RSF1: variants seen among roughly 807,000 people sequenced by gnomAD.
The protein encoded by RSF1 is remodeling and spacing factor 1, also known as HBV pX-associated protein 8.
RSF1 carries 13 observed loss-of-function variants against 145.2 expected under a neutral mutation model. The ratio of observed to expected loss-of-function variants is 0.09; its 90% CI spans 0.06 to 0.14. The LOEUF (loss-of-function observed/expected upper bound fraction) is 0.14, where lower values mean the gene tolerates loss of function less well. Among genes scored for constraint, RSF1 ranks in the 10% least tolerant of loss-of-function variants. The pLI, the probability that RSF1 is intolerant of heterozygous loss-of-function variation, is 1.00. For synonymous variants in RSF1, 577 were observed against 592.6 expected, an observed-to-expected ratio of 0.97 and a Z score of 0.38; for missense variants, 1,517 against 1,718.2, an observed-to-expected ratio of 0.88 and a Z score of 2.07.
At chr11:77,864,425 G>A in the RSF1 span, among the ~76,000 whole-genome samples, 1 of 151,938 alleles carries the variant, frequency 6.6e-6, no homozygotes, top group Non-Finnish European at 1.5e-5. Flanking sequence ...GGGCAACAGA[G>A]TGAGATGCCA....
At chr11:77,711,183 T>C (rs1002666213) in intron 5 of RSF1, among the ~76,000 whole-genome samples, 3 of 151,750 alleles carry the variant, frequency 2.0e-5, no homozygotes, top group African/African-American at 7.3e-5. Context: ...GAGTTCATTC[T>C]GATAGTTCAT....
intron 15 of RSF1, among the ~76,000 whole-genome samples, chr11:77,670,977 CAT>C (rs1959508075): frequency 6.7e-6 from 1 of 149,742 alleles, no homozygotes; most frequent in African/African-American, 2.5e-5. Context: ...CTTGGTGGCA[CAT>C]GCCTAAAATC....
At chr11:77,707,190 A>AATC (rs370385999) in intron 5 of RSF1, among the ~76,000 whole-genome samples, 6 of 152,202 alleles carry the variant, frequency 3.9e-5, no homozygotes, top group African/African-American at 1.4e-4. Context: ...CTGGGGCAGA[A>AATC]ATCATGGATT....
At chr11:77,690,960 C>T in intron 9 of RSF1, 199 bp downstream of exon 9, 1 of 533,536 alleles carries the variant, frequency 1.9e-6, no homozygotes, top group Non-Finnish European at 3.3e-6. Context: ...AAATATGATT[C>T]TAGTTTTTCC....
At chr11:77,777,448 C>T (rs561391235) in intron 1 of RSF1, among the ~76,000 whole-genome samples, 1 of 152,054 alleles carries the variant, frequency 6.6e-6, no homozygotes, top group East Asian at 1.9e-4. Context: ...AAGAAATTAG[C>T]CAGGCGTGGT....
At chr11:77,851,736 G>A in the RSF1 span, among the ~76,000 whole-genome samples, 4 of 152,134 alleles carry the variant, frequency 2.6e-5, no homozygotes, top group South Asian at 8.3e-4. Context: ...TTCACGTTCT[G>A]CCATGGGTAA....
In RSF1 at chr11:77,701,445, A is replaced by G; in HGVS notation, c.1784T>C (p.Phe595Ser). ...LEKLEKSKKT[F>S]LDKDAQRLSP... ...CAATCTTTGTGCGTCCTTATCAAGA[A>G]AAGTCTTTTTGGACTTCTCTAACTT... Residue 595 changes from phenylalanine (F) to serine (S), a missense_variant, in exon 6 of 16, where the codon TTT (phenylalanine) becomes TCT (serine). Phe to Ser is a radical substitution (Grantham distance 155). Transcript: ENST00000308488. 7 of 1,614,156 alleles carry G rather than the reference A, an allele frequency of 4.3e-6. No individual in the cohort carries two copies. The highest frequency in any genetic ancestry group is 1.1e-5 in the South Asian group (1 of 91,076).
chr11:77,708,386 C>T (rs1318520304), intron 5 of RSF1, among the ~76,000 whole-genome samples: 4 of 152,128 alleles, frequency 2.6e-5, no homozygotes, highest in East Asian at 1.9e-4. Flanking sequence ...GCCATGACCA[C>T]GCCAGTGCAC....
At chr11:77,771,077 T>C (rs1236407364) in intron 1 of RSF1, among the ~76,000 whole-genome samples, 2 of 151,934 alleles carry the variant, frequency 1.3e-5, no homozygotes, top group East Asian at 1.9e-4. Context: ...TTAACGATCA[T>C]AGAGAGGAAT....
At position 77,693,525 on chromosome 11, in the gene RSF1, G is replaced by A; in HGVS notation, c.2802C>T (p.Phe934=). 1 of 1,613,420 alleles carries A rather than the reference G, an allele frequency of 6.2e-7. No individual in the cohort carries two copies. The highest frequency in any genetic ancestry group is 8.5e-7 in the Non-Finnish European group (1 of 1,179,440). Reference sequence around the variant, plus strand: ...GTCTTACATGTTGGCAAGGTGGGCAGAACCATTCTCCATCTGGGATGATCA... The same window carrying A: ...GTCTTACATGTTGGCAAGGTGGGCAAAACCATTCTCCATCTGGGATGATCA... ...PLMIIPDGEW[F]CPPCQHKLLC... is the part of the protein sequence containing the mutation. The change falls in exon 8 of 16, where the codon TTC becomes TTT. Residue 934 remains phenylalanine (F), a synonymous_variant. Coordinates refer to ENST00000308488, the MANE Select transcript of RSF1 (RefSeq NM_016578.4).
At chr11:77,712,398 T>C (rs1478836783) in intron 5 of RSF1, among the ~76,000 whole-genome samples, 1 of 152,186 alleles carries the variant, frequency 6.6e-6, no homozygotes. Context: ...CCTTTATAAA[T>C]TACCCAGTCT....
chr11:77,853,435 A>G, the RSF1 span, among the ~76,000 whole-genome samples: 8 of 152,054 alleles, frequency 5.3e-5, no homozygotes, highest in Non-Finnish European at 1.0e-4. Flanking sequence ...GGGAGGTGCT[A>G]TATACTTTTA....
chr11:77,689,306 C>A (rs1441102504), intron 9 of RSF1, among the ~76,000 whole-genome samples: 1 of 152,160 alleles, frequency 6.6e-6, no homozygotes, highest in Non-Finnish European at 1.5e-5. Context: ...TTACATATGT[C>A]TCCTTTGATG....
intron 2 of RSF1, among the ~76,000 whole-genome samples, chr11:77,761,819 C>T (rs904590232): frequency 7.3e-6 from 1 of 137,098 alleles, no homozygotes; most frequent in Admixed American, 8.3e-5. Context: ...TTTAAATTTC[C>T]ATTCGGTGAT....
intron 4 of RSF1, chr11:77,734,675 G>C (rs1961295234): frequency 7.2e-7 from 1 of 1,398,594 alleles, no homozygotes; most frequent in Non-Finnish European, 1.0e-6. Context: ...AATTTGTGCA[G>C]TTCCAGTAGT....
intron 9 of RSF1, among the ~76,000 whole-genome samples, chr11:77,690,535 C>T (rs890835099): frequency 1.3e-5 from 2 of 152,084 alleles, no homozygotes; most frequent in African/African-American, 4.8e-5. Context: ...CTCACTGCAA[C>T]GATTCTCCTG....
upstream of RSF1, chr11:77,821,002 G>A (rs1208533124): frequency 2.0e-6 from 1 of 490,246 alleles, no homozygotes; most frequent in Non-Finnish European, 3.6e-6. Flanking sequence ...TCGTGTGACA[G>A]GGGGAATGAA....
intron 1 of RSF1, among the ~76,000 whole-genome samples, chr11:77,812,199 T>C (rs1333583353): frequency 6.6e-6 from 1 of 152,000 alleles, no homozygotes; most frequent in Non-Finnish European, 1.5e-5. Flanking sequence ...AGTACATAAA[T>C]ACAAGCAGAA....
In RSF1 at chr11:77,701,486, G is replaced by C; in HGVS notation, c.1743C>G (p.Ile581Met). 2 of 1,614,050 alleles carry C rather than the reference G, an allele frequency of 1.2e-6. No individual in the cohort carries two copies. The highest frequency in any genetic ancestry group is 2.2e-5 in the South Asian group (2 of 91,066). The change falls in exon 6 of 16, where the codon ATC (isoleucine) becomes ATG (methionine). Residue 581 changes from isoleucine to methionine, a missense_variant. By Grantham distance (10) the Ile-to-Met change is conservative. Transcript: ENST00000308488. The stretch of plus-strand genomic sequence containing the variant: ...TCTCTAACTTTTCAAGACATTCTAG[G>C]ATTGGTGGGCGCTTATCCTTCTTAG... ...PKTKKDKRPPILECLEKLEKS... is the reference protein window; with the variant it reads ...PKTKKDKRPPMLECLEKLEKS...
Sources: allele counts gnomAD v4.1 joint callset (sites outside exome capture counted in the v4.1 genomes callset), GRCh38; gene constraint gnomAD v4.1.1; transcripts MANE v1.5; gene names NCBI Gene and HGNC (gene_info 2026-07-23, HGNC 2026-07-21).